The following DENND4A variants were observed in gnomAD, a reference collection of about 807,000 sequenced individuals.
The protein encoded by DENND4A is DENN domain containing 4A.
In DENND4A, 70 loss-of-function variants were observed where a neutral mutation model predicts 199.3. The observed-to-expected ratio is 0.35, with a 90% CI of 0.29 to 0.43. DENND4A has a LOEUF of 0.43. Ranked by LOEUF, DENND4A falls within the 20% of genes least tolerant of loss-of-function variation. The pLI, the probability that DENND4A is intolerant of heterozygous loss-of-function variation, is 1.00. For missense variants in DENND4A, 1,723 were observed against 2,255.8 expected, an observed-to-expected ratio of 0.76 and a Z score of 4.78; for synonymous variants, 686 against 766.9, an observed-to-expected ratio of 0.89 and a Z score of 1.74.
In DENND4A at chr15:65,700,633, T is replaced by A. The variant is rs1021594695; in HGVS notation, c.2744A>T (p.Asp915Val). 1 of 1,547,138 alleles carries A rather than the reference T, an allele frequency of 6.5e-7. No homozygotes were observed. The highest frequency in any genetic ancestry group is 2.0e-5 in the Admixed American group (1 of 49,800). The change falls in exon 20 of 33, where the codon GAT becomes GTT. Residue 915 changes from aspartate (D) to valine (V), a missense_variant. Asp to Val is a radical substitution (Grantham distance 152). Coordinates refer to ENST00000443035, the MANE Select transcript of DENND4A (RefSeq NM_001320835.1). ...DLDAVSHGSM[D>V]SGHGTHTVEQ... ...CACAGTGTGTGTCCCATGACCACTA[T>A]CCATGCTGCCATGACTAACAGCATC...
intron 2 of DENND4A, among the ~76,000 whole-genome samples, chr15:65,760,155 GAAACTAA>G (rs2076815160): frequency 6.6e-6 from 1 of 152,146 alleles, no homozygotes; most frequent in African/African-American, 2.4e-5. Context: ...TCATAATGAA[GAAACTAA>G]AACATCCTCC....
At chr15:65,763,366 A>T (rs1217080618) in intron 1 of DENND4A, among the ~76,000 whole-genome samples, 3 of 152,120 alleles carry the variant, frequency 2.0e-5, no homozygotes, top group African/African-American at 4.8e-5. Context: ...AGTGGAAGAG[A>T]AGGGGGTAAG....
At chr15:65,768,331 T>C (rs1286386102) in intron 1 of DENND4A, among the ~76,000 whole-genome samples, 1 of 145,650 alleles carries the variant, frequency 6.9e-6, no homozygotes, top group Non-Finnish European at 1.6e-5. Flanking sequence ...TTTTTCGTTT[T>C]GTTTTGTTCT....
At chr15:65,716,057 G>A (rs1251333584) in intron 13 of DENND4A, among the ~76,000 whole-genome samples, 2 of 151,910 alleles carry the variant, frequency 1.3e-5, no homozygotes, top group Admixed American at 1.3e-4. Context: ...TGAAAACAGA[G>A]AAAAGGTTTA....
rs780459826 is a variant in DENND4A at position 65,670,166 on chromosome 15, C to T, written c.4487G>A (p.Arg1496Gln). 1.4e-5 allele frequency: 21 copies of T among 1,538,980 alleles called. No homozygotes were observed. The Admixed American group carries it at 1.9e-4, about 14-fold the overall frequency. The change falls in exon 26 of 33, where the codon CGG becomes CAG. Residue 1496 changes from arginine (R) to glutamine (Q), a missense_variant. Physicochemically the swap from Arg to Gln is conservative, Grantham distance 43 (BLOSUM62 1). Transcript: ENST00000443035. ...AMEVLISSCS[R>Q]CRTCDCLVHD... ...GACAAGACAATCACAAGTTCTACACCGAGAGCAACTTGAGATGAGAACCTG... is the reference window on the plus strand; with the variant it reads ...GACAAGACAATCACAAGTTCTACACTGAGAGCAACTTGAGATGAGAACCTG...
At chr15:65,675,862 G>A (rs2076357752) in intron 24 of DENND4A, among the ~76,000 whole-genome samples, 1 of 152,072 alleles carries the variant, frequency 6.6e-6, no homozygotes. Context: ...ATCTTCCAAA[G>A]ACACACTGGT....
At chr15:65,709,227 T>C (rs2075155309) in intron 14 of DENND4A, among the ~76,000 whole-genome samples, 1 of 152,222 alleles carries the variant, frequency 6.6e-6, no homozygotes, top group Admixed American at 6.5e-5. Flanking sequence ...AAAGTGTTAC[T>C]GATATTCAGA....
chr15:65,789,792 C>A (rs1298123743), intron 1 of DENND4A, among the ~76,000 whole-genome samples: 4 of 152,178 alleles, frequency 2.6e-5, no homozygotes, highest in Non-Finnish European at 5.9e-5. Context: ...TTGAAAAATT[C>A]TGCAAACAAC....
At chr15:65,718,041 C>T (rs2060454) in intron 12 of DENND4A, 45 bp from the exon 13 acceptor site, 276,369 of 1,370,720 alleles carry the variant, frequency 0.2, 34,687 homozygotes, top group East Asian at 0.7. Flanking sequence ...ACTCACAAAA[C>T]ACTCATGATG....
intron 24 of DENND4A, among the ~76,000 whole-genome samples, chr15:65,674,388 G>C (rs1290901774): frequency 1.3e-5 from 2 of 152,208 alleles, no homozygotes; most frequent in South Asian, 4.1e-4. Context: ...GCACGAGAGA[G>C]GGTTCTAGAT....
intron 22 of DENND4A, among the ~76,000 whole-genome samples, chr15:65,693,052 T>C (rs1279288818): frequency 6.6e-6 from 1 of 152,152 alleles, no homozygotes; most frequent in African/African-American, 2.4e-5. Flanking sequence ...AGGCCTGAAA[T>C]ACTTACTATT....
At chr15:65,664,093 T>C (rs2075962969) in intron 32 of DENND4A, among the ~76,000 whole-genome samples, 1 of 152,178 alleles carries the variant, frequency 6.6e-6, no homozygotes, top group Admixed American at 6.5e-5. Context: ...CACAAGATTG[T>C]ACAACTATCA....
intron 18 of DENND4A, 33 bp from the exon 19 acceptor site, chr15:65,701,225 A>T (rs895929498): frequency 6.8e-7 from 1 of 1,466,872 alleles, no homozygotes; most frequent in African/African-American, 1.4e-5. Context: ...TAATTAGTAA[A>T]ATAATTTTTA....
chr15:65,736,258 T>C (rs977396879), intron 7 of DENND4A, among the ~76,000 whole-genome samples: 3 of 152,062 alleles, frequency 2.0e-5, no homozygotes, highest in Non-Finnish European at 4.4e-5. Context: ...AATAGATTTT[T>C]TTATTTTTTA....
Position 65,706,104 on chromosome 15 carries a change from G to A in DENND4A, c.2074C>T (p.Pro692Ser), listed in dbSNP as rs774893095. 2.5e-6 allele frequency: 4 copies of A among 1,598,530 alleles called. No individual in the cohort carries two copies. The highest frequency in any genetic ancestry group is 2.3e-5 in the East Asian group (1 of 43,728). Residue 692 changes from proline to serine, a missense_variant, in exon 15 of 33, where the codon CCT becomes TCT. By Grantham distance (74) the Pro-to-Ser change is moderately conservative. Around this residue, in one of 6 missense-constraint regions of DENND4A, gnomAD observed 725 missense variants for 952.9 expected, o/e 0.76. Transcript: ENST00000443035. ...IPHLPNGEEP[P>S]LQYSYNGFPV... The stretch of plus-strand genomic sequence containing the variant: ...CCTCTTGAATACCTGTACTGTAAAG[G>A]GGGTTCTTCACCATTGGGTAGGTGG...
At chr15:65,723,385 A>G (rs1173084535) in intron 11 of DENND4A, among the ~76,000 whole-genome samples, 1 of 152,202 alleles carries the variant, frequency 6.6e-6, no homozygotes, top group Non-Finnish European at 1.5e-5. Context: ...CACAGAGCTT[A>G]TCAAAATACT....
At chr15:65,699,661 ATATAT>A (rs1467721575) in intron 20 of DENND4A, among the ~76,000 whole-genome samples, 2 of 148,148 alleles carry the variant, frequency 1.3e-5, no homozygotes, top group Non-Finnish European at 1.5e-5. Context: ...AATATTATAC[ATATAT>A]TATTTTATAT....
chr15:65,711,830 G>A (rs932457174), intron 14 of DENND4A, among the ~76,000 whole-genome samples: 1 of 152,138 alleles, frequency 6.6e-6, no homozygotes, highest in Non-Finnish European at 1.5e-5. Flanking sequence ...CTTCGTTGTT[G>A]TTGGTTTTTG....
Position 65,719,735 on chromosome 15 carries a change from T to G in DENND4A, c.1589-1739A>C, listed in dbSNP as rs540280912. On this transcript the variant is annotated intron_variant, in intron 12 of 32. Coordinates refer to ENST00000443035, the MANE Select transcript of DENND4A (RefSeq NM_001320835.1). ...GAGATCCCATCTCTACAGAATTTTT[T>G]TTTTTTTTAATTAGCTGGGTGTGAT... Among the ~76,000 whole-genome samples, 593 of 151,864 alleles carry G rather than the reference T, an allele frequency of 3.9e-3. 8 individuals carry two copies. Among genetic ancestry groups the G allele is most frequent in the African/African-American group, 0.013 (523 of 41,418 alleles).
Sources: allele counts gnomAD v4.1 joint callset (sites outside exome capture counted in the v4.1 genomes callset), GRCh38; gene constraint gnomAD v4.1.1; regional missense constraint gnomAD v4.1.1; transcripts MANE v1.5; gene names NCBI Gene and HGNC (gene_info 2026-07-23, HGNC 2026-07-21).